FIP1L1: variants seen among roughly 807,000 people sequenced by gnomAD.
FIP1L1 encodes the protein factor interacting with PAPOLA and CPSF1, also known as pre-mRNA 3'-end-processing factor FIP1.
FIP1L1 carries 21 observed loss-of-function variants against 84.6 expected under a neutral mutation model. The ratio of observed to expected loss-of-function variants is 0.25; its 90% CI spans 0.18 to 0.36. The LOEUF is 0.36. FIP1L1 is among the 10% of genes least tolerant of loss of function. The pLI, the probability that FIP1L1 is intolerant of heterozygous loss-of-function variation, is 1.00. For synonymous variants in FIP1L1, 263 were observed against 242.3 expected (o/e 1.09, Z -0.80); for missense variants, 526 against 751.1 (o/e 0.70, Z 3.50).
At chr4:53,409,109 T>A (rs929485205) in intron 10 of FIP1L1, among the ~76,000 whole-genome samples, 26 of 152,182 alleles carry the variant, frequency 1.7e-4, no homozygotes, top group Non-Finnish European at 3.1e-4. Context: ...CTCTGTTTTT[T>A]CCCCATCTTT....
rs563221036 is a variant in FIP1L1, at chr4:53,391,222, G to A, written c.636+83G>A. On this transcript the variant is annotated intron_variant, in intron 8 of 17. Transcript: ENST00000337488. ...CCAAATAAATCGCTTCCCTATAAAA[G>A]TGGTTAAATGCTATATGATAGTTTA... 4.8e-5 allele frequency: 69 copies of A among 1,436,800 alleles called. No homozygotes were observed. In the African/African-American group the frequency reaches 8.9e-4, roughly 18 times the overall value. 89.0% of individuals were successfully genotyped at this position (1,436,800 alleles called of 1,614,324 possible). A position where few individuals can be genotyped will look rare whatever the true frequency, so the allele number is the denominator to read the frequency against.
At chr4:53,381,753 C>CTTTTTGTTTTTTTTTTTTTTTTTTT (rs1738054217) in intron 3 of FIP1L1, among the ~76,000 whole-genome samples, 1 of 87,948 alleles carries the variant, frequency 1.1e-5, no homozygotes, top group Admixed American at 1.4e-4. Context: ...CATTTGCATT[C>CTTTTTGTTTTTTTTTTTTTTTTTTT]TTTTTTTTTT....
intron 11 of FIP1L1, among the ~76,000 whole-genome samples, chr4:53,423,516 A>C (rs561874309): frequency 4.5e-4 from 68 of 152,348 alleles, no homozygotes; most frequent in Admixed American, 9.8e-4. Flanking sequence ...ATAATGTGGC[A>C]TCAGAATAAT....
chr4:53,392,157 T>C (rs1407821385), intron 9 of FIP1L1, among the ~76,000 whole-genome samples: 1 of 152,260 alleles, frequency 6.6e-6, no homozygotes, highest in Non-Finnish European at 1.5e-5. Context: ...AATAATACTA[T>C]ATTGTCATAG....
chr4:53,406,828 T>A (rs1164334837), intron 10 of FIP1L1, among the ~76,000 whole-genome samples: 1 of 152,214 alleles, frequency 6.6e-6, no homozygotes, highest in Non-Finnish European at 1.5e-5. Flanking sequence ...TCATGGTAAT[T>A]TGTATTTCTG....
chr4:53,411,373 T>G (rs952473262), intron 10 of FIP1L1, among the ~76,000 whole-genome samples: 1 of 152,214 alleles, frequency 6.6e-6, no homozygotes, highest in African/African-American at 2.4e-5. Flanking sequence ...ACTGTCACTT[T>G]CGTACGTAAA....
chr4:53,420,980 A>T (rs1762175838), intron 11 of FIP1L1, among the ~76,000 whole-genome samples: 1 of 152,136 alleles, frequency 6.6e-6, no homozygotes, highest in African/African-American at 2.4e-5. Flanking sequence ...CTTTGACCAT[A>T]TTGGAATTAC....
At chr4:53,387,743 G>C (rs1741886420) in intron 5 of FIP1L1, among the ~76,000 whole-genome samples, 1 of 152,192 alleles carries the variant, frequency 6.6e-6, no homozygotes, top group South Asian at 2.1e-4. Flanking sequence ...ATTCTATACG[G>C]TCCTGTAAGA....
intron 3 of FIP1L1, 104 bp from the exon 4 acceptor site, chr4:53,382,174 C>T (rs1738432174): frequency 1.3e-6 from 1 of 756,452 alleles, no homozygotes; most frequent in Non-Finnish European, 2.2e-6. Context: ...CCAGTGGAGA[C>T]AATAATTTTA....
chr4:53,380,443 G>A (rs932329909), intron 3 of FIP1L1, among the ~76,000 whole-genome samples: 1 of 152,192 alleles, frequency 6.6e-6, no homozygotes, highest in African/African-American at 2.4e-5. Context: ...AGTTCCTTTT[G>A]GGAGTGATGC....
chr4:53,428,642 C>T (rs1157520169), intron 13 of FIP1L1, among the ~76,000 whole-genome samples: 1 of 152,052 alleles, frequency 6.6e-6, no homozygotes, highest in Non-Finnish European at 1.5e-5. Context: ...CTACTGGGTG[C>T]CTGGTATTTA....
chr4:53,411,805 T>C (rs1268862959), intron 10 of FIP1L1, among the ~76,000 whole-genome samples: 1 of 152,170 alleles, frequency 6.6e-6, no homozygotes, highest in Admixed American at 6.5e-5. Context: ...CACTGTTAAG[T>C]AAAATTTTAT....
intron 10 of FIP1L1, among the ~76,000 whole-genome samples, chr4:53,401,021 G>A (rs1221025387): frequency 3.3e-5 from 5 of 152,056 alleles, no homozygotes; most frequent in Non-Finnish European, 7.4e-5. Context: ...CTGGCTCTGC[G>A]GCTTACTAGC....
intron 17 of FIP1L1, 132 bp downstream of exon 17, chr4:53,458,922 G>A: frequency 1.0e-6 from 1 of 1,001,092 alleles, no homozygotes; most frequent in South Asian, 2.0e-5. Context: ...AAAATTCAGG[G>A]CCTTGTCTCA....
chr4:53,403,471 T>C (rs1751340522), intron 10 of FIP1L1, among the ~76,000 whole-genome samples: 1 of 152,344 alleles, frequency 6.6e-6, no homozygotes, highest in African/African-American at 2.4e-5. Flanking sequence ...ATAGAAACCA[T>C]TACAATCACA....
intron 1 of FIP1L1, chr4:53,378,817 T>C: frequency 4.1e-6 from 2 of 482,550 alleles, no homozygotes. Flanking sequence ...AAAGTGCACT[T>C]TGGGCACCAT....
At chr4:53,458,861 AAG>A (rs1720904685) in intron 17 of FIP1L1, 71 bp downstream of exon 17, 1 of 1,519,780 alleles carries the variant, frequency 6.6e-7, no homozygotes, top group Admixed American at 2.0e-5. Flanking sequence ...GTCGCATTGG[AAG>A]AGGGGAAATT....
At chr4:53,402,840 G>A (rs936452879) in intron 10 of FIP1L1, among the ~76,000 whole-genome samples, 25 of 152,192 alleles carry the variant, frequency 1.6e-4, no homozygotes, top group African/African-American at 6.0e-4. Flanking sequence ...ATGAAGTAGA[G>A]AAGTTGCCCT....
At chr4:53,442,013 C>T (rs1395986733) in intron 13 of FIP1L1, among the ~76,000 whole-genome samples, 1 of 151,762 alleles carries the variant, frequency 6.6e-6, no homozygotes, top group Non-Finnish European at 1.5e-5. Flanking sequence ...TGTGGTATTC[C>T]ATTTAGGTAT....
Sources: gnomAD v4.1 joint callset for allele counts (sites outside exome capture counted in the v4.1 genomes callset) on GRCh38, gnomAD v4.1.1 for gene constraint, MANE v1.5 for transcripts, NCBI Gene and HGNC (gene_info 2026-07-23, HGNC 2026-07-21) for gene names.